Variants in AFF3 observed in about 807,000 individuals in gnomAD.
AFF3 encodes the protein ALF transcription elongation factor 3, also known as AF4/FMR2 family member 3.
In AFF3, 32 loss-of-function variants were observed where a neutral mutation model predicts 129.7. The observed-to-expected ratio is 0.25, with a 90% CI of 0.19 to 0.33. The LOEUF is 0.33. Ranked by LOEUF, AFF3 falls within the 10% of genes least tolerant of loss-of-function variation. AFF3 has a pLI of 1.00. For missense variants in AFF3, 1,373 were observed against 1,592.0 expected, an observed-to-expected ratio of 0.86 and a Z score of 2.34; for synonymous variants, 644 against 635.4, an observed-to-expected ratio of 1.01 and a Z score of -0.20.
chr2:99,625,421 A>G (rs1045354085), intron 13 of AFF3, among the ~76,000 whole-genome samples: 1 of 152,164 alleles, frequency 6.6e-6, no homozygotes, highest in Non-Finnish European at 1.5e-5. Flanking sequence ...TTTCTTATCC[A>G]TCCAACATAA....
chr2:99,816,233 GC>G (rs748061088), intron 8 of AFF3, among the ~76,000 whole-genome samples: 2 of 151,900 alleles, frequency 1.3e-5, no homozygotes, highest in African/African-American at 2.4e-5. Flanking sequence ...TGGCGACATG[GC>G]CTATATAATC....
At chr2:100,029,899 T>C (rs1258877954) in intron 4 of AFF3, among the ~76,000 whole-genome samples, 1 of 152,032 alleles carries the variant, frequency 6.6e-6, no homozygotes, top group Non-Finnish European at 1.5e-5. Context: ...ACGCTGACTC[T>C]ACTAAAAATA....
At chr2:99,638,808 T>C (rs757728219) in intron 13 of AFF3, among the ~76,000 whole-genome samples, 8 of 152,182 alleles carry the variant, frequency 5.3e-5, no homozygotes, top group Non-Finnish European at 8.8e-5. Flanking sequence ...ACACATAACA[T>C]CAAATTGGCC....
At chr2:99,568,751 T>C (rs1676211001) in intron 19 of AFF3, 101 bp downstream of exon 19, 3 of 1,182,730 alleles carry the variant, frequency 2.5e-6, no homozygotes, top group Non-Finnish European at 3.8e-6. Flanking sequence ...CGGCCATCCT[T>C]GTAATAGATT....
At chr2:99,715,924 G>A (rs991239247) in intron 11 of AFF3, among the ~76,000 whole-genome samples, 5 of 152,060 alleles carry the variant, frequency 3.3e-5, no homozygotes, top group Non-Finnish European at 5.9e-5. Context: ...CGCCTGCCTC[G>A]GCCTCCCAAA....
At chr2:99,553,649 C>T (rs1674614414) in intron 24 of AFF3, among the ~76,000 whole-genome samples, 1 of 152,020 alleles carries the variant, frequency 6.6e-6, no homozygotes, top group South Asian at 2.1e-4. Context: ...TGTGGTGGCT[C>T]ACGCCTGTAA....
At chr2:99,967,905 A>G (rs766758035) in intron 7 of AFF3, among the ~76,000 whole-genome samples, 25 of 152,216 alleles carry the variant, frequency 1.6e-4, no homozygotes, top group Non-Finnish European at 3.5e-4. Context: ...GCCGTCTTTT[A>G]TAACACAATC....
At chr2:99,930,921 C>T (rs1328250030) in intron 7 of AFF3, among the ~76,000 whole-genome samples, 1 of 152,142 alleles carries the variant, frequency 6.6e-6, no homozygotes, top group Non-Finnish European at 1.5e-5. Context: ...CTTACAATGG[C>T]TCTCACAGCA....
chr2:99,624,091 C>A (rs544114938), intron 13 of AFF3, among the ~76,000 whole-genome samples: 1 of 152,314 alleles, frequency 6.6e-6, no homozygotes, highest in Non-Finnish European at 1.5e-5. Flanking sequence ...TTGCTTCTAC[C>A]TTTGTCTTCC....
chr2:99,865,553 T>C (rs570700222), intron 7 of AFF3, among the ~76,000 whole-genome samples: 1 of 152,324 alleles, frequency 6.6e-6, no homozygotes, highest in African/African-American at 2.4e-5. Flanking sequence ...ATGGGTATTA[T>C]ATGTAGGTCC....
rs973792269 is a variant in AFF3 at position 100,106,074 on chromosome 2, A to G, written c.-144-491T>C. ...AGGATTAACAAACTCAATTCAGGACACAGGTAGAAGACCAAAAGGCCAATG... is the reference window on the plus strand; with the variant it reads ...AGGATTAACAAACTCAATTCAGGACGCAGGTAGAAGACCAAAAGGCCAATG... On this transcript the variant is annotated intron_variant, in intron 2 of 24. Transcript: ENST00000672756. 3.1e-5 allele frequency: 41 copies of G among 1,305,210 alleles called. No homozygotes were observed. The East Asian group carries it at 1.4e-3, about 46-fold the overall frequency. The allele number at this position is 1,305,210 out of a possible 1,614,324, so 80.9% of individuals were successfully genotyped here. A position where few individuals can be genotyped will look rare whatever the true frequency, so the allele number is the denominator to read the frequency against.
intron 7 of AFF3, among the ~76,000 whole-genome samples, chr2:99,880,989 AGGC>A: frequency 6.6e-6 from 1 of 152,324 alleles, no homozygotes; most frequent in East Asian, 1.9e-4. Context: ...GAGGAAGCAG[AGGC>A]TACCCGCTAT....
intron 4 of AFF3, among the ~76,000 whole-genome samples, chr2:100,048,830 T>C (rs776593709): frequency 6.6e-6 from 1 of 152,242 alleles, no homozygotes; most frequent in Admixed American, 6.5e-5. Context: ...GATTTCTTTA[T>C]TGATGTTCAC....
At chr2:99,753,981 A>G (rs1238579916) in intron 8 of AFF3, among the ~76,000 whole-genome samples, 1 of 152,154 alleles carries the variant, frequency 6.6e-6, no homozygotes, top group Non-Finnish European at 1.5e-5. Flanking sequence ...TTGTCCATGG[A>G]GTCAAGGAAC....
chr2:99,996,243 T>C (rs1680819359), intron 7 of AFF3, among the ~76,000 whole-genome samples: 1 of 152,100 alleles, frequency 6.6e-6, no homozygotes, highest in Admixed American at 6.5e-5. Context: ...GTAAGGAAAA[T>C]AAATTAGATA....
At chr2:100,059,994 A>C (rs917572292) in intron 4 of AFF3, among the ~76,000 whole-genome samples, 3 of 152,218 alleles carry the variant, frequency 2.0e-5, no homozygotes, top group African/African-American at 7.2e-5. Context: ...CCTATGACTA[A>C]GTGTATCCTT....
chr2:99,822,499 C>T (rs2105695008), intron 8 of AFF3, among the ~76,000 whole-genome samples: 1 of 152,256 alleles, frequency 6.6e-6, no homozygotes, highest in Middle Eastern at 3.4e-3. Context: ...ACGTGCTTTG[C>T]TTTTGATGTG....
In AFF3 at chr2:99,878,100, T is replaced by C. The variant is rs766368059; in HGVS notation, c.874-40576A>G. On this transcript the variant is annotated intron_variant, in intron 7 of 24. Transcript: ENST00000672756. Reference sequence around the variant, plus strand: ...AGTTAAGTCCTATGTTGAAAAAAAATAGACATCCAATAAAATGCAAATTTG... The same window carrying C: ...AGTTAAGTCCTATGTTGAAAAAAAACAGACATCCAATAAAATGCAAATTTG... Among the ~76,000 whole-genome samples the C allele has an allele frequency of 1.3e-4, 19 of 151,920 alleles. 1 individual carries two copies. The highest frequency in any genetic ancestry group is 4.1e-4 in the South Asian group (2 of 4,824).
chr2:99,861,689 G>A (rs1465776116), intron 7 of AFF3, among the ~76,000 whole-genome samples: 1 of 152,066 alleles, frequency 6.6e-6, no homozygotes, highest in African/African-American at 2.4e-5. Context: ...CATAATTAAT[G>A]TATATGTACC....
Sources: allele counts gnomAD v4.1 joint callset (sites outside exome capture counted in the v4.1 genomes callset), GRCh38; gene constraint gnomAD v4.1.1; transcripts MANE v1.5; gene names NCBI Gene and HGNC (gene_info 2026-07-23, HGNC 2026-07-21).